The following ZFAT variants were observed in gnomAD, a reference collection of about 807,000 sequenced individuals.
ZFAT encodes the protein zinc finger and AT-hook domain containing.
Under a neutral mutation model 117.7 loss-of-function variants are expected in ZFAT, and 64 were observed. The observed-to-expected ratio is 0.54, with a 90% CI of 0.44 to 0.67. The LOEUF (loss-of-function observed/expected upper bound fraction) is 0.67, where lower values mean the gene tolerates loss of function less well. ZFAT is among the 30% of genes least tolerant of loss of function. The pLI is 0.00. For missense variants in ZFAT, 1,433 were observed against 1,584.5 expected, an observed-to-expected ratio of 0.90 and a Z score of 1.62; for synonymous variants, 679 against 615.0, an observed-to-expected ratio of 1.10 and a Z score of -1.54.
intron 1 of ZFAT, among the ~76,000 whole-genome samples, chr8:134,706,052 G>A (rs1439365651): frequency 3.9e-5 from 6 of 152,156 alleles, no homozygotes; most frequent in Non-Finnish European, 7.3e-5. Flanking sequence ...ATTCTCTGAC[G>A]TTGCTGATGG....
chr8:134,769,390 C>A, the ZFAT span, among the ~76,000 whole-genome samples: 15 of 152,330 alleles, frequency 9.8e-5, no homozygotes, highest in East Asian at 2.3e-3. Context: ...TCCAGTGGGG[C>A]AGTCAAATCT....
At chr8:134,687,535 A>G (rs1833381548) in intron 1 of ZFAT, among the ~76,000 whole-genome samples, 2 of 152,214 alleles carry the variant, frequency 1.3e-5, no homozygotes. Context: ...CCCTCAGGAA[A>G]GCACCACAAA....
intron 1 of ZFAT, among the ~76,000 whole-genome samples, chr8:134,692,853 G>C (rs563486939): frequency 6.6e-6 from 1 of 152,270 alleles, no homozygotes; most frequent in African/African-American, 2.4e-5. Context: ...ACTATTTTTA[G>C]TATAGTCCAG....
At chr8:134,624,180 G>GCGCACA (rs1357559072) in intron 3 of ZFAT, among the ~76,000 whole-genome samples, 6 of 146,192 alleles carry the variant, frequency 4.1e-5, no homozygotes, top group African/African-American at 1.3e-4. Context: ...ATGTGCACAT[G>GCGCACA]CACACACACA....
At chr8:134,642,805 T>G (rs1269621698) in intron 2 of ZFAT, among the ~76,000 whole-genome samples, 2 of 152,222 alleles carry the variant, frequency 1.3e-5, no homozygotes, top group Non-Finnish European at 2.9e-5. Flanking sequence ...GACTAACATT[T>G]TAAGGCCCTG....
intron 10 of ZFAT, among the ~76,000 whole-genome samples, chr8:134,572,511 G>GC (rs1824994145): frequency 1.3e-5 from 2 of 152,106 alleles, no homozygotes; most frequent in Admixed American, 6.6e-5. Flanking sequence ...TTAAAAAACA[G>GC]CCCCCCAGCC....
At chr8:134,521,085 C>A in intron 12 of ZFAT, 84 bp from the exon 13 acceptor site, 1 of 935,404 alleles carries the variant, frequency 1.1e-6, no homozygotes, top group East Asian at 2.7e-5. Context: ...TCAAATGCTT[C>A]AAATCTAGTA....
At chr8:134,571,638 A>C (rs1330938132) in intron 10 of ZFAT, among the ~76,000 whole-genome samples, 3 of 152,232 alleles carry the variant, frequency 2.0e-5, no homozygotes, top group Non-Finnish European at 2.9e-5. Context: ...ATGAGACTTA[A>C]TTAACTGAAA....
intron 10 of ZFAT, among the ~76,000 whole-genome samples, chr8:134,578,752 G>T (rs144262330): frequency 2.0e-5 from 3 of 152,138 alleles, no homozygotes; most frequent in Non-Finnish European, 4.4e-5. Flanking sequence ...GTTGAGAAGC[G>T]GGAGAACTCC....
At chr8:134,741,684 C>A in the ZFAT span, among the ~76,000 whole-genome samples, 1 of 152,154 alleles carries the variant, frequency 6.6e-6, no homozygotes, top group African/African-American at 2.4e-5. Flanking sequence ...AAGCCACACC[C>A]AGTCCAGACC....
chr8:134,513,202 T>C (rs545762360), intron 13 of ZFAT, among the ~76,000 whole-genome samples: 1 of 150,748 alleles, frequency 6.6e-6, no homozygotes, highest in Non-Finnish European at 1.5e-5. Flanking sequence ...TTGTGCTTTT[T>C]TTTTTTTTTT....
intron 1 of ZFAT, among the ~76,000 whole-genome samples, chr8:134,700,707 C>T (rs1833987274): frequency 6.6e-6 from 1 of 152,188 alleles, no homozygotes; most frequent in Non-Finnish European, 1.5e-5. Flanking sequence ...TGCCTTGCCC[C>T]CTGCTGTATC....
chr8:134,637,988 A>G (rs549533443), intron 2 of ZFAT, among the ~76,000 whole-genome samples: 1 of 152,282 alleles, frequency 6.6e-6, no homozygotes, highest in African/African-American at 2.4e-5. Context: ...TGCTGACAGG[A>G]TTTTAAGTTG....
At chr8:134,490,641 T>A (rs1817985523) in intron 15 of ZFAT, among the ~76,000 whole-genome samples, 1 of 152,202 alleles carries the variant, frequency 6.6e-6, no homozygotes, top group Non-Finnish European at 1.5e-5. Context: ...GGAATTGATA[T>A]AACCAGCTCC....
At chr8:134,733,712 T>C in the ZFAT span, among the ~76,000 whole-genome samples, 5 of 152,250 alleles carry the variant, frequency 3.3e-5, no homozygotes, top group Non-Finnish European at 7.3e-5. Context: ...AAGTTCCCTC[T>C]ATGAGAAACC....
intron 7 of ZFAT, chr8:134,597,555 T>C (rs1586781783): frequency 1.3e-5 from 2 of 151,820 alleles, no homozygotes; most frequent in East Asian, 3.9e-4. Context: ...GGGCGGAGAG[T>C]ACATTGTTGT....
chr8:134,774,202 G>A, the ZFAT span, among the ~76,000 whole-genome samples: 1,440 of 152,060 alleles, frequency 9.5e-3, 9 homozygotes, highest in Middle Eastern at 0.017. Context: ...TCACCATGTT[G>A]GTAAGGCTGG....
chr8:134,667,354 G>A lies in ZFAT; in HGVS notation c.20-9617C>T, dbSNP rs570326347. On this transcript the variant is annotated intron_variant, in intron 1 of 15. Transcript: ENST00000377838. The stretch of plus-strand genomic sequence containing the variant: ...AAAAATGCAGAAAAATTAGCCGGGC[G>A]TGGTGGCAGGCACCTGTAGTCCCAG... Among the ~76,000 whole-genome samples, 35 of 152,052 alleles carry A rather than the reference G, an allele frequency of 2.3e-4. 1 individual carries two copies. The highest frequency in any genetic ancestry group is 7.5e-4 in the African/African-American group (31 of 41,474).
intron 1 of ZFAT, among the ~76,000 whole-genome samples, chr8:134,689,031 C>T (rs1833471049): frequency 6.6e-6 from 1 of 152,166 alleles, no homozygotes; most frequent in Admixed American, 6.5e-5. Flanking sequence ...TAACATCACA[C>T]TGAGGTAGAA....
Sources: allele counts gnomAD v4.1 joint callset (sites outside exome capture counted in the v4.1 genomes callset), GRCh38; gene constraint gnomAD v4.1.1; transcripts MANE v1.5; gene names NCBI Gene and HGNC (gene_info 2026-07-23, HGNC 2026-07-21).